Variants in CRLS1 observed in about 807,000 individuals in gnomAD.
CRLS1 encodes the protein cardiolipin synthase 1, also known as cardiolipin synthase (CMP-forming).
CRLS1 carries 24 observed loss-of-function variants against 37.0 expected under a neutral mutation model. That is an observed-to-expected ratio of 0.65 (90% confidence interval 0.47 to 0.91). The LOEUF is 0.91. Among genes scored for constraint, CRLS1 ranks in the 40% least tolerant of loss-of-function variants. The pLI is 0.00. For synonymous variants in CRLS1, 135 were observed against 159.7 expected (o/e 0.85, Z 1.17); for missense variants, 373 against 395.8 (o/e 0.94, Z 0.49).
At chr20:6,020,461 C>A (rs1184936279) in intron 3 of CRLS1, among the ~76,000 whole-genome samples, 1 of 152,050 alleles carries the variant, frequency 6.6e-6, no homozygotes, top group East Asian at 1.9e-4. Context: ...GTCATAATAA[C>A]CTTGTGTTCA....
intron 1 of CRLS1, chr20:6,007,128 C>G: frequency 1.3e-6 from 1 of 786,804 alleles, no homozygotes; most frequent in Middle Eastern, 4.1e-4. Flanking sequence ...TGTTGATATG[C>G]TACCCAGACA....
chr20:6,037,232 A>C lies in CRLS1; in HGVS notation c.*74A>C. On this transcript the variant is annotated 3_prime_UTR_variant, in exon 7 of 7. Transcript: ENST00000378863. ...AACAGGGCCCATGGAAATGTACAGG[A>C]GTTTCCCTATTTTGGTGTTCAGCTT... The C allele has an allele frequency of 4.7e-6, 5 of 1,053,024 alleles. No homozygotes were observed. Among genetic ancestry groups the C allele is most frequent in the Non-Finnish European group, 6.9e-6 (5 of 729,104 alleles). 65.2% of individuals were successfully genotyped at this position (1,053,024 alleles called of 1,614,324 possible).
rs2090058245 is a variant in CRLS1 at position 6,006,567 on chromosome 20, G to A, written c.306+15G>A. On this transcript the variant is annotated intron_variant, in intron 1 of 6. Coordinates refer to ENST00000378863, the MANE Select transcript of CRLS1 (RefSeq NM_019095.6). ...CCCCCAGCCTGGTACGTACCGATGA[G>A]GCGGCGGCGGGCCGGCCCTGGGCTG... The A allele has an allele frequency of 2.6e-6, 2 of 764,674 alleles. No homozygotes were observed. Among genetic ancestry groups the A allele is most frequent in the South Asian group, 9.8e-5 (2 of 20,390 alleles). The allele number at this position is 764,674 out of a possible 1,614,324, so 47.4% of individuals were successfully genotyped here.
chr20:6,013,219 G>T (rs1213986977), intron 2 of CRLS1, among the ~76,000 whole-genome samples: 1 of 119,938 alleles, frequency 8.3e-6, no homozygotes, highest in African/African-American at 3.5e-5. Context: ...ATTTTTGTTT[G>T]GCCTTTTTTT....
At chr20:6,031,395 C>A in intron 4 of CRLS1, 25 bp downstream of exon 4, 3 of 1,513,202 alleles carry the variant, frequency 2.0e-6, no homozygotes, top group Non-Finnish European at 2.7e-6. Context: ...AAAAAGTATT[C>A]TTTTAGCATT....
chr20:6,014,380 T>C (rs567603889), intron 2 of CRLS1, among the ~76,000 whole-genome samples: 55 of 152,334 alleles, frequency 3.6e-4, no homozygotes, highest in African/African-American at 1.2e-3. Context: ...TTGGAATACT[T>C]GAGATATGGA....
At chr20:6,020,281 A>G (rs1207464152) in intron 3 of CRLS1, among the ~76,000 whole-genome samples, 3 of 152,120 alleles carry the variant, frequency 2.0e-5, no homozygotes, top group Non-Finnish European at 4.4e-5. Context: ...TCTAAGTGTC[A>G]CTTTCATTGC....
intron 3 of CRLS1, among the ~76,000 whole-genome samples, chr20:6,030,176 A>G (rs913107702): frequency 9.9e-5 from 15 of 150,852 alleles, no homozygotes; most frequent in African/African-American, 2.7e-4. Flanking sequence ...TATAAAAGAT[A>G]TGTTCACAGT....
chr20:6,010,843 C>A (rs2090122772), intron 2 of CRLS1, among the ~76,000 whole-genome samples: 1 of 152,086 alleles, frequency 6.6e-6, no homozygotes, highest in African/African-American at 2.4e-5. Flanking sequence ...ATAGCAAGAG[C>A]CTATCTCTAC....
chr20:6,006,011 A>C, upstream of CRLS1: 1 of 338,842 alleles, frequency 3.0e-6, no homozygotes, highest in Non-Finnish European at 5.3e-6. Flanking sequence ...CCGCTGTGCC[A>C]GGGGCGCCGG....
At chr20:6,018,604 G>A (rs1214905869) in intron 3 of CRLS1, among the ~76,000 whole-genome samples, 1 of 152,090 alleles carries the variant, frequency 6.6e-6, no homozygotes, top group Non-Finnish European at 1.5e-5. Flanking sequence ...CACTTCTGTT[G>A]GGAGTTTAAG....
chr20:6,010,738 T>G lies in CRLS1; in HGVS notation c.444+826T>G, dbSNP rs188608372. Among the ~76,000 whole-genome samples the G allele has an allele frequency of 4.6e-5, 7 of 152,310 alleles. 1 individual carries two copies. In the East Asian group the frequency reaches 1.3e-3, roughly 29 times the overall value. On this transcript the variant is annotated intron_variant, in intron 2 of 6. Coordinates refer to ENST00000378863, the MANE Select transcript of CRLS1 (RefSeq NM_019095.6). The stretch of plus-strand genomic sequence containing the variant: ...ATTACCAACTTTATTTCAAAAAAGT[T>G]TCGAAATGCATTATAAAACTGGCTG...
chr20:6,032,400 T>A (rs539192599), intron 5 of CRLS1, among the ~76,000 whole-genome samples: 12 of 151,872 alleles, frequency 7.9e-5, no homozygotes, highest in Admixed American at 5.9e-4. Flanking sequence ...GGTCTTACTT[T>A]GTTGCCCAGG....
intron 6 of CRLS1, among the ~76,000 whole-genome samples, chr20:6,034,949 A>T (rs1169879312): frequency 6.6e-6 from 1 of 152,188 alleles, no homozygotes; most frequent in Non-Finnish European, 1.5e-5. Context: ...GAGGGTAGGG[A>T]AGCTGAGTCC....
rs774157465 is a variant in CRLS1 at position 6,007,377 on chromosome 20, C to T, written c.306+825C>T. On this transcript the variant is annotated intron_variant, in intron 1 of 6. Coordinates refer to ENST00000378863, the MANE Select transcript of CRLS1 (RefSeq NM_019095.6). ...TGCCATATCCTGACTGAAGTCCTTCCCAGAACGGCAGTAGTTGGTCGAGTA... is the reference window on the plus strand; with the variant it reads ...TGCCATATCCTGACTGAAGTCCTTCTCAGAACGGCAGTAGTTGGTCGAGTA... 8 of 1,613,446 alleles carry T rather than the reference C, an allele frequency of 5.0e-6. No individual in the cohort carries two copies. The South Asian group carries it at 7.7e-5, about 16-fold the overall frequency.
chr20:6,031,982 A>G (rs747101737), intron 4 of CRLS1, 30 bp from the exon 5 acceptor site: 1 of 1,536,846 alleles, frequency 6.5e-7, no homozygotes, highest in South Asian at 1.1e-5. Context: ...CAATAAGTTA[A>G]TTACTTTATC....
At position 6,039,048 on chromosome 20, in the gene CRLS1, A is replaced by G. The variant is rs538657803; in HGVS notation, c.*1890A>G. On this transcript the variant is annotated 3_prime_UTR_variant, in exon 7 of 7. Coordinates refer to ENST00000378863, the MANE Select transcript of CRLS1 (RefSeq NM_019095.6). ...TCAAAACATGATGAAAATTCATTTC[A>G]TTGTCTTCACTGAATAGACTTAACC... 1 of 152,346 alleles carries G rather than the reference A, an allele frequency of 6.6e-6. No homozygotes were observed. Among genetic ancestry groups the G allele is most frequent in the Admixed American group, 6.5e-5 (1 of 15,304 alleles). 9.4% of individuals were successfully genotyped at this position (152,346 alleles called of 1,614,324 possible).
In CRLS1 at chr20:6,037,328, A is replaced by T; in HGVS notation, c.*170A>T. ...ATGTGCATTGAAAATAAGGTTGATC[A>T]TGGGAATATGCAGAATTTCCAATGT... On this transcript the variant is annotated 3_prime_UTR_variant, in exon 7 of 7. Transcript: ENST00000378863. 2.5e-6 allele frequency: 1 copy of T among 402,652 alleles called. No individual in the cohort carries two copies. Among genetic ancestry groups the T allele is most frequent in the South Asian group, 1.1e-4 (1 of 9,370 alleles). The allele number at this position is 402,652 out of a possible 1,614,324, so 24.9% of individuals were successfully genotyped here.
At chr20:6,011,393 A>C (rs1326135686) in intron 2 of CRLS1, among the ~76,000 whole-genome samples, 2 of 151,938 alleles carry the variant, frequency 1.3e-5, no homozygotes, top group Non-Finnish European at 2.9e-5. Context: ...AAATTAACAG[A>C]AGATTTTGGA....
Sources: gnomAD v4.1 joint callset for allele counts (sites outside exome capture counted in the v4.1 genomes callset) on GRCh38, gnomAD v4.1.1 for gene constraint, MANE v1.5 for transcripts, NCBI Gene and HGNC (gene_info 2026-07-23, HGNC 2026-07-21) for gene names.